KRABD2: variants seen among roughly 807,000 people sequenced by gnomAD.
KRABD2 encodes KRAB domain-containing protein 2.
chr17:8,374,897 C>T, the KRABD2 span, among the ~76,000 whole-genome samples: 4 of 128,440 alleles, frequency 3.1e-5, no homozygotes, highest in Non-Finnish European at 6.5e-5. Context: ...GAGATCGTGC[C>T]TCCGCACTCC....
chr17:8,375,014 G>A, the KRABD2 span, among the ~76,000 whole-genome samples: 11 of 146,236 alleles, frequency 7.5e-5, no homozygotes, highest in Non-Finnish European at 1.0e-4. Context: ...CATAAATCTC[G>A]ATTTCTTTCT....
chr17:8,363,169 G>A, the KRABD2 span, among the ~76,000 whole-genome samples: 1 of 152,094 alleles, frequency 6.6e-6, no homozygotes, highest in Non-Finnish European at 1.5e-5. Flanking sequence ...GCCATTAATA[G>A]AACTAGTGGA....
the KRABD2 span, chr17:8,359,919 C>A: frequency 2.3e-6 from 1 of 441,990 alleles, no homozygotes; most frequent in South Asian, 1.6e-5. Context: ...AAGAACAGTA[C>A]ACTGAATTGT....
the KRABD2 span, among the ~76,000 whole-genome samples, chr17:8,360,077 T>G: frequency 6.6e-6 from 1 of 152,022 alleles, no homozygotes; most frequent in Non-Finnish European, 1.5e-5. Flanking sequence ...TCGCGGGAAA[T>G]GCATAAAAGT....
At chr17:8,373,562 A>G in the KRABD2 span, 1 of 187,644 alleles carries the variant, frequency 5.3e-6, no homozygotes, top group Non-Finnish European at 1.1e-5. Flanking sequence ...GGCCTCCCAA[A>G]GTGCCGAGAT....
chr17:8,371,649 T>G, the KRABD2 span: 2 of 1,415,906 alleles, frequency 1.4e-6, no homozygotes, highest in African/African-American at 2.9e-5. Context: ...GAGTTTTGCT[T>G]TCCTGGGAGG....
At chr17:8,369,204 T>C in the KRABD2 span, 1 of 1,614,242 alleles carries the variant, frequency 6.2e-7, no homozygotes, top group Non-Finnish European at 8.5e-7. Context: ...GGGATCCATG[T>C]CATCGTCCAT....
the KRABD2 span, among the ~76,000 whole-genome samples, chr17:8,364,987 T>G: frequency 6.6e-6 from 1 of 151,516 alleles, no homozygotes; most frequent in African/African-American, 2.4e-5. The surrounding 1 kb of genome is among the most constrained non-coding windows in gnomAD (Gnocchi z 4.4). Flanking sequence ...TGGGCCGAGA[T>G]CACGCCATTG....
At chr17:8,369,982 G>A in the KRABD2 span, 19 of 1,614,020 alleles carry the variant, frequency 1.2e-5, no homozygotes, top group South Asian at 2.2e-5. Flanking sequence ...TTGAGCATGC[G>A]TGTCCGCCCA....
chr17:8,363,479 G>A, the KRABD2 span, among the ~76,000 whole-genome samples: 1 of 152,020 alleles, frequency 6.6e-6, no homozygotes, highest in Non-Finnish European at 1.5e-5. Context: ...AGCCTCCTGA[G>A]TAGCTAGGAT....
chr17:8,371,975 A>T, the KRABD2 span: 45 of 986,302 alleles, frequency 4.6e-5, no homozygotes, highest in Non-Finnish European at 5.4e-5. Flanking sequence ...GATGGTGATG[A>T]GGCCAGGGGA....
the KRABD2 span, among the ~76,000 whole-genome samples, chr17:8,366,177 T>G: frequency 1.4e-4 from 21 of 152,100 alleles, no homozygotes; most frequent in Non-Finnish European, 2.8e-4. Flanking sequence ...CCCTTTCTCC[T>G]TCCCCGTGCC....
At chr17:8,370,499 A>T in the KRABD2 span, 1 of 720,712 alleles carries the variant, frequency 1.4e-6, no homozygotes, top group Non-Finnish European at 2.2e-6. Context: ...AGATGATTAT[A>T]TGGAAGAATG....
the KRABD2 span, among the ~76,000 whole-genome samples, chr17:8,372,428 C>T: frequency 2.0e-5 from 3 of 152,118 alleles, no homozygotes; most frequent in Non-Finnish European, 2.9e-5. The surrounding 1 kb of genome is among the most constrained non-coding windows in gnomAD (Gnocchi z 4.1). Flanking sequence ...AAACCCAGGC[C>T]GGTCTCGAAC....
the KRABD2 span, chr17:8,371,390 CTT>C: frequency 6.2e-7 from 1 of 1,614,134 alleles, no homozygotes; most frequent in Non-Finnish European, 8.5e-7. Context: ...TAATTCCAAT[CTT>C]TGGTCATATT....
At chr17:8,374,807 A>G in the KRABD2 span, among the ~76,000 whole-genome samples, 5 of 149,098 alleles carry the variant, frequency 3.4e-5, no homozygotes, top group African/African-American at 1.2e-4. Flanking sequence ...TTAGCTGGGC[A>G]TGGTGGCGAG....
chr17:8,373,685 TGAG>T, the KRABD2 span: 5 of 154,370 alleles, frequency 3.2e-5, no homozygotes, highest in African/African-American at 1.3e-4. Context: ...GTCTGGGAAG[TGAG>T]GAGCCTCTTC....
At chr17:8,374,148 G>A in the KRABD2 span, among the ~76,000 whole-genome samples, 92 of 152,368 alleles carry the variant, frequency 6.0e-4, 1 homozygote, top group African/African-American at 2.1e-3. Context: ...CATTGAGGAC[G>A]GGCCATGGTG....
the KRABD2 span, chr17:8,360,032 C>G: frequency 7.5e-5 from 27 of 360,938 alleles, no homozygotes; most frequent in African/African-American, 5.3e-4. Flanking sequence ...GAAAGGCTCA[C>G]AAGCACTCAT....
Sources: gnomAD v4.1 joint callset for allele counts (sites outside exome capture counted in the v4.1 genomes callset) on GRCh38, gnomAD v4.1.1 for gene constraint, Gnocchi (gnomAD v3.1) non-coding constraint, MANE v1.5 for transcripts, NCBI Gene and HGNC (gene_info 2026-07-23, HGNC 2026-07-21) for gene names.